The following TENM3 variants were observed in gnomAD, a reference collection of about 807,000 sequenced individuals.
TENM3 encodes the protein teneurin transmembrane protein 3, also known as teneurin-3.
TENM3 carries 63 observed loss-of-function variants against 255.1 expected under a neutral mutation model. The ratio of observed to expected loss-of-function variants is 0.25; its 90% confidence interval spans 0.20 to 0.30. The LOEUF is 0.30. Among genes scored for constraint, TENM3 ranks in the 10% least tolerant of loss-of-function variants. The pLI, the probability that TENM3 is intolerant of heterozygous loss-of-function variation, is 1.00. For synonymous variants in TENM3, 1,306 were observed against 1,322.3 expected (o/e 0.99, Z 0.27); for missense variants, 2,929 against 3,461.1 (o/e 0.85, Z 3.86).
chr4:181,588,310 A>G, the TENM3 span, among the ~76,000 whole-genome samples: 1 of 152,158 alleles, frequency 6.6e-6, no homozygotes. Flanking sequence ...CTAACATTTA[A>G]TTATCTCTGA....
At chr4:181,895,633 C>T in the TENM3 span, among the ~76,000 whole-genome samples, 2 of 145,136 alleles carry the variant, frequency 1.4e-5, no homozygotes, top group Admixed American at 1.4e-4. Flanking sequence ...CAGTCTTGAA[C>T]TCCTAGGCTC....
chr4:182,733,628 C>T (rs1434529147), intron 16 of TENM3, among the ~76,000 whole-genome samples: 1 of 151,758 alleles, frequency 6.6e-6, no homozygotes, highest in Non-Finnish European at 1.5e-5. Flanking sequence ...GGAGGGAGCA[C>T]AGATAGAGAC....
chr4:182,200,689 T>C (rs908582575), intron 1 of TENM3, among the ~76,000 whole-genome samples: 4 of 152,278 alleles, frequency 2.6e-5, no homozygotes, highest in Non-Finnish European at 5.9e-5. Flanking sequence ...ATAGACAGAC[T>C]GATAGAGAAC....
intron 24 of TENM3, among the ~76,000 whole-genome samples, chr4:182,784,424 G>A (rs1035928048): frequency 6.6e-6 from 1 of 151,542 alleles, no homozygotes; most frequent in Non-Finnish European, 1.5e-5. Context: ...CAGATCTCCA[G>A]CTGCGTGCTG....
the TENM3 span, among the ~76,000 whole-genome samples, chr4:181,795,205 G>A: frequency 2.0e-5 from 3 of 151,846 alleles, no homozygotes; most frequent in Non-Finnish European, 4.4e-5. Context: ...TACACTGAGT[G>A]GTTTAAATAA....
intron 5 of TENM3, among the ~76,000 whole-genome samples, chr4:182,645,298 T>G (rs1752643640): frequency 6.6e-6 from 1 of 151,980 alleles, no homozygotes; most frequent in Non-Finnish European, 1.5e-5. Flanking sequence ...TATAGCCCAG[T>G]CAGGAAAGAA....
chr4:181,734,981 C>A, the TENM3 span, among the ~76,000 whole-genome samples: 1 of 152,034 alleles, frequency 6.6e-6, no homozygotes, highest in African/African-American at 2.4e-5. Flanking sequence ...AAAAGAAAAT[C>A]ATTTAAACTT....
the TENM3 span, among the ~76,000 whole-genome samples, chr4:181,527,573 C>A: frequency 6.6e-6 from 1 of 150,882 alleles, no homozygotes; most frequent in Non-Finnish European, 1.5e-5. Flanking sequence ...TTGGCCATGG[C>A]CAGGCTGGTC....
At chr4:182,197,310 T>C (rs928981912) in intron 1 of TENM3, among the ~76,000 whole-genome samples, 2 of 152,164 alleles carry the variant, frequency 1.3e-5, no homozygotes, top group East Asian at 3.9e-4. Context: ...TCTATAGCAG[T>C]AGGTTGAAAA....
the TENM3 span, among the ~76,000 whole-genome samples, chr4:181,908,032 A>C: frequency 6.6e-6 from 1 of 152,310 alleles, no homozygotes; most frequent in South Asian, 2.1e-4. Flanking sequence ...AAGCTATACA[A>C]GTTCTATTTT....
chr4:182,402,811 G>A (rs1283812110), intron 3 of TENM3, among the ~76,000 whole-genome samples: 1 of 152,184 alleles, frequency 6.6e-6, no homozygotes, highest in African/African-American at 2.4e-5. Flanking sequence ...TAGCTATATG[G>A]TGTTGGAATA....
intron 1 of TENM3, among the ~76,000 whole-genome samples, chr4:182,154,046 T>C (rs765099172): frequency 6.6e-6 from 1 of 152,174 alleles, no homozygotes; most frequent in South Asian, 2.1e-4. Flanking sequence ...TGATACCTTC[T>C]AATGTAATTT....
chr4:181,908,145 T>C, the TENM3 span, among the ~76,000 whole-genome samples: 1 of 152,122 alleles, frequency 6.6e-6, no homozygotes, highest in African/African-American at 2.4e-5. Flanking sequence ...ATAGTTTCTT[T>C]GCTGAAAAAA....
At chr4:182,437,029 CA>C (rs34721873) in intron 3 of TENM3, among the ~76,000 whole-genome samples, 119,837 of 136,728 alleles carry the variant, frequency 0.88, 52,606 homozygotes, top group Non-Finnish European at 0.95. Flanking sequence ...ACTCCGCCTC[CA>C]AAAAAAAAAA....
chr4:181,719,069 G>A, the TENM3 span, among the ~76,000 whole-genome samples: 73 of 151,396 alleles, frequency 4.8e-4, no homozygotes, highest in South Asian at 2.9e-3. Flanking sequence ...AGCCGGGCGC[G>A]GTGGCGGGCG....
intron 3 of TENM3, among the ~76,000 whole-genome samples, chr4:182,587,517 C>T (rs1057401434): frequency 1.4e-4 from 22 of 152,024 alleles, no homozygotes; most frequent in Admixed American, 7.2e-4. Context: ...AGACAGAGGT[C>T]GCAGTGAGCC....
intron 3 of TENM3, among the ~76,000 whole-genome samples, chr4:182,577,320 C>T (rs1465193012): frequency 6.6e-6 from 1 of 152,156 alleles, no homozygotes; most frequent in Non-Finnish European, 1.5e-5. Flanking sequence ...CTGTTTGACT[C>T]ATACTGGAAT....
chr4:181,893,522 G>A, the TENM3 span, among the ~76,000 whole-genome samples: 1 of 93,354 alleles, frequency 1.1e-5, no homozygotes, highest in South Asian at 3.2e-4. Context: ...TTCCTCTTAG[G>A]ATGCATCCAG....
intron 24 of TENM3, among the ~76,000 whole-genome samples, chr4:182,777,181 C>T (rs141174206): frequency 6.6e-6 from 1 of 152,238 alleles, no homozygotes; most frequent in Non-Finnish European, 1.5e-5. Flanking sequence ...TTCTCTTCCA[C>T]TCTTTCCTGA....
Sources: gnomAD v4.1 joint callset for allele counts (sites outside exome capture counted in the v4.1 genomes callset) on GRCh38, gnomAD v4.1.1 for gene constraint, MANE v1.5 for transcripts, NCBI Gene and HGNC (gene_info 2026-07-23, HGNC 2026-07-21) for gene names.